Variants in TLL1 observed in about 807,000 individuals in gnomAD.
The protein encoded by TLL1 is tolloid-like protein 1.
In TLL1, 49 loss-of-function variants were observed where a neutral mutation model predicts 128.2. The ratio of observed to expected loss-of-function variants is 0.38; its 90% CI spans 0.30 to 0.48. The LOEUF (loss-of-function observed/expected upper bound fraction) is 0.48, where lower values mean the gene tolerates loss of function less well. Among genes scored for constraint, TLL1 ranks in the 20% least tolerant of loss-of-function variants. The pLI is 0.96. For missense variants in TLL1, 1,123 were observed against 1,242.0 expected (o/e 0.90, Z 1.44); for synonymous variants, 454 against 418.8 (o/e 1.08, Z -1.03).
intron 1 of TLL1, among the ~76,000 whole-genome samples, chr4:165,986,003 A>G (rs1382782256): frequency 6.6e-6 from 1 of 150,742 alleles, no homozygotes; most frequent in Non-Finnish European, 1.5e-5. Context: ...TATCGTCCCA[A>G]TAACCATTTT....
chr4:166,070,365 A>G (rs990883919), intron 16 of TLL1, among the ~76,000 whole-genome samples: 1 of 151,954 alleles, frequency 6.6e-6, no homozygotes, highest in African/African-American at 2.4e-5. Context: ...GGAACTTGAC[A>G]TATTTTAAAT....
chr4:165,891,137 C>T (rs1191444504), intron 1 of TLL1, among the ~76,000 whole-genome samples: 1 of 152,136 alleles, frequency 6.6e-6, no homozygotes, highest in African/African-American at 2.4e-5. Context: ...TGTTGAGACG[C>T]ACAGAGCAGG....
intron 1 of TLL1, among the ~76,000 whole-genome samples, chr4:165,949,154 G>A (rs1734392316): frequency 6.6e-6 from 1 of 152,098 alleles, no homozygotes; most frequent in African/African-American, 2.4e-5. Context: ...ACATGAGAAA[G>A]ACCCAACCCA....
intron 12 of TLL1, among the ~76,000 whole-genome samples, chr4:166,049,226 G>C (rs115177743): frequency 6.6e-6 from 1 of 152,128 alleles, no homozygotes; most frequent in East Asian, 1.9e-4. Context: ...ACTTGCCCAA[G>C]GTTGCACAAC....
intron 1 of TLL1, among the ~76,000 whole-genome samples, chr4:165,987,176 A>G (rs1213473459): frequency 6.6e-6 from 1 of 152,090 alleles, no homozygotes; most frequent in Non-Finnish European, 1.5e-5. Context: ...GCACTAAGAA[A>G]GGAAGAGACA....
chr4:165,959,301 G>T (rs1439497626), intron 1 of TLL1, among the ~76,000 whole-genome samples: 1 of 152,102 alleles, frequency 6.6e-6, no homozygotes, highest in Non-Finnish European at 1.5e-5. Context: ...ATTACCTTGG[G>T]CAGTATGGCC....
intron 9 of TLL1, 57 bp from the exon 10 acceptor site, chr4:166,039,282 C>CT (rs1192033447): frequency 8.2e-7 from 1 of 1,225,216 alleles, no homozygotes; most frequent in African/African-American, 1.5e-5. Flanking sequence ...GGAATCAAAT[C>CT]ACTATATGTA....
intron 18 of TLL1, among the ~76,000 whole-genome samples, chr4:166,088,052 T>G (rs76155353): frequency 0.042 from 6,415 of 152,228 alleles, 199 homozygotes; most frequent in African/African-American, 0.066. Context: ...CAAATACTTA[T>G]AAAGTCTTAA....
intron 5 of TLL1, among the ~76,000 whole-genome samples, chr4:165,995,678 A>G (rs568841088): frequency 4.5e-4 from 68 of 152,282 alleles, no homozygotes; most frequent in African/African-American, 1.6e-3. Context: ...GTTTCCTTCT[A>G]AATTAACTTT....
intron 18 of TLL1, among the ~76,000 whole-genome samples, chr4:166,084,198 G>A (rs1172039619): frequency 6.6e-6 from 1 of 152,072 alleles, no homozygotes; most frequent in African/African-American, 2.4e-5. Context: ...TTTGAGAAAT[G>A]TCTATTCAAG....
At chr4:166,061,088 T>C (rs1319844228) in intron 15 of TLL1, among the ~76,000 whole-genome samples, 1 of 152,138 alleles carries the variant, frequency 6.6e-6, no homozygotes, top group East Asian at 1.9e-4. Context: ...GACACTTTTG[T>C]CTCTGATGTA....
intron 1 of TLL1, among the ~76,000 whole-genome samples, chr4:165,920,113 C>T (rs184541052): frequency 2.0e-5 from 3 of 152,156 alleles, no homozygotes; most frequent in Admixed American, 6.5e-5. Context: ...AAATGCCATG[C>T]GTCTCCTGTG....
chr4:165,989,463 C>T lies in TLL1; in HGVS notation c.252C>T (p.Asn84=). ...QIDRTIDLTQ[N]PFGNLGHTTG... ...ATAGGACAATTGACCTTACGCAGAA[C>T]CCCTTTGGAAACCTTGGACATACCA... The change falls in exon 2 of 21, where the codon AAC becomes AAT. Residue 84 remains asparagine, a synonymous_variant. Coordinates refer to ENST00000061240, the MANE Select transcript of TLL1 (RefSeq NM_012464.5). 1 of 1,612,644 alleles carries T rather than the reference C, an allele frequency of 6.2e-7. No homozygotes were observed. The highest frequency in any genetic ancestry group is 8.5e-7 in the Non-Finnish European group (1 of 1,179,184).
intron 9 of TLL1, among the ~76,000 whole-genome samples, chr4:166,028,475 G>T (rs1377682773): frequency 1.3e-5 from 2 of 151,848 alleles, no homozygotes; most frequent in African/African-American, 4.8e-5. Context: ...ACTAATCTTT[G>T]CTTTAAAAAT....
At chr4:166,068,570 A>G (rs980473989) in intron 16 of TLL1, among the ~76,000 whole-genome samples, 1 of 151,866 alleles carries the variant, frequency 6.6e-6, no homozygotes, top group Non-Finnish European at 1.5e-5. Context: ...TCGTTACTGG[A>G]TTTATTGTCA....
intron 6 of TLL1, among the ~76,000 whole-genome samples, chr4:166,005,793 G>T (rs1254408731): frequency 6.6e-6 from 1 of 151,692 alleles, no homozygotes; most frequent in South Asian, 2.1e-4. Flanking sequence ...TTTCAAAAAT[G>T]GTTTTTACTC....
At chr4:166,093,233 TCA>T (rs1355600103) in intron 19 of TLL1, among the ~76,000 whole-genome samples, 1 of 152,120 alleles carries the variant, frequency 6.6e-6, no homozygotes. Flanking sequence ...CTGAGTTCTC[TCA>T]GTTTTTATTG....
chr4:166,041,403 C>T (rs188160796), intron 10 of TLL1, among the ~76,000 whole-genome samples: 1 of 151,170 alleles, frequency 6.6e-6, no homozygotes, highest in Non-Finnish European at 1.5e-5. Flanking sequence ...CGGACTCAAG[C>T]GATTCTCCTG....
intron 12 of TLL1, 111 bp from the exon 13 acceptor site, chr4:166,054,965 A>G: frequency 1.2e-6 from 1 of 835,690 alleles, no homozygotes; most frequent in Non-Finnish European, 1.8e-6. Context: ...TTTGATACAA[A>G]TAACTTTTAT....
Sources: allele counts gnomAD v4.1 joint callset (sites outside exome capture counted in the v4.1 genomes callset), GRCh38; gene constraint gnomAD v4.1.1; transcripts MANE v1.5; gene names NCBI Gene and HGNC (gene_info 2026-07-23, HGNC 2026-07-21).